ZNF665: variants seen among roughly 807,000 people sequenced by gnomAD.
The protein encoded by ZNF665 is zinc finger protein 665.
Under a neutral mutation model 7.9 loss-of-function variants are expected in ZNF665, and 6 were observed. The observed-to-expected ratio is 0.76, with a 90% CI of 0.42 to 1.50. The LOEUF (loss-of-function observed/expected upper bound fraction) is 1.50, where lower values mean the gene tolerates loss of function less well. Ranked by LOEUF, ZNF665 falls within the 40% of genes most tolerant of loss-of-function variation. The probability of loss-of-function intolerance (pLI) is 0.01; values close to 1 mark genes in which losing one functional copy is unlikely to be tolerated. For synonymous variants in ZNF665, 242 were observed against 274.5 expected, an observed-to-expected ratio of 0.88 and a Z score of 1.17; for missense variants, 819 against 806.7, an observed-to-expected ratio of 1.02 and a Z score of -0.18.
intron 3 of ZNF665, among the ~76,000 whole-genome samples, chr19:53,172,922 T>C (rs2090669624): frequency 6.6e-6 from 1 of 152,170 alleles, no homozygotes; most frequent in Admixed American, 6.6e-5. Context: ...GTAGTTTCGA[T>C]TTCTCACACA....
intron 1 of ZNF665, among the ~76,000 whole-genome samples, chr19:53,184,676 CGA>C (rs1290332411): frequency 6.6e-6 from 1 of 151,984 alleles, no homozygotes; most frequent in African/African-American, 2.4e-5. Context: ...TGTGTGGAGA[CGA>C]GAGAGCTTAG....
At chr19:53,177,270 GT>G (rs1490014838) in intron 2 of ZNF665, among the ~76,000 whole-genome samples, 1 of 152,022 alleles carries the variant, frequency 6.6e-6, no homozygotes, top group East Asian at 1.9e-4. Context: ...CTAAATTAGT[GT>G]GGATTTGTTT....
In ZNF665 at chr19:53,179,666, G is replaced by A. The variant is rs148743025; in HGVS notation, c.15+3218C>T. The A allele has an allele frequency of 1.7e-3, 259 of 152,184 alleles. 2 individuals carry two copies. The highest frequency in any genetic ancestry group is 5.7e-3 in the African/African-American group (238 of 41,512). The allele number at this position is 152,184 out of a possible 1,614,324, so 9.4% of individuals were successfully genotyped here. A position where few individuals can be genotyped will look rare whatever the true frequency, so the allele number is the denominator to read the frequency against. ...GTATTTATAATCAACCAGTAAAACT[G>A]AGTGTTTCTCTGACCTCTAAGAGTT... On this transcript the variant is annotated intron_variant, in intron 2 of 3. Coordinates refer to ENST00000396424, the MANE Select transcript of ZNF665 (RefSeq NM_024733.5).
rs944585070 is a variant in ZNF665 at position 53,182,558 on chromosome 19, A to G, written c.15+326T>C. On this transcript the variant is annotated intron_variant, in intron 2 of 3. Transcript: ENST00000396424. Reference sequence around the variant, plus strand: ...CAGCTTCTCTTATCACAGTTTACACAGAGCTGTCAATATATTCAAATATGT... The same window carrying G: ...CAGCTTCTCTTATCACAGTTTACACGGAGCTGTCAATATATTCAAATATGT... 30 of 692,824 alleles carry G rather than the reference A, an allele frequency of 4.3e-5. No individual in the cohort carries two copies. In the Admixed American group the frequency reaches 4.3e-4, roughly 10 times the overall value. The allele number at this position is 692,824 out of a possible 1,614,324, so 42.9% of individuals were successfully genotyped here.
At chr19:53,183,658 G>A (rs2090755543) in intron 1 of ZNF665, among the ~76,000 whole-genome samples, 1 of 152,046 alleles carries the variant, frequency 6.6e-6, no homozygotes, top group Non-Finnish European at 1.5e-5. Context: ...GAATGCTGAA[G>A]CGGGGGTCAG....
chr19:53,176,069 C>G (rs8112056), intron 2 of ZNF665, among the ~76,000 whole-genome samples: 1 of 151,872 alleles, frequency 6.6e-6, no homozygotes, highest in Admixed American at 6.6e-5. Flanking sequence ...GCTGAGGCAG[C>G]AGAATCACTT....
intron 3 of ZNF665, among the ~76,000 whole-genome samples, chr19:53,174,293 T>C (rs2146856837): frequency 6.6e-6 from 1 of 152,312 alleles, no homozygotes; most frequent in East Asian, 1.9e-4. Flanking sequence ...TTGTAGATCA[T>C]GACCAAGACT....
At chr19:53,182,430 C>A in intron 2 of ZNF665, 1 of 461,678 alleles carries the variant, frequency 2.2e-6, no homozygotes. Flanking sequence ...ACTTGTTCGG[C>A]ATCAAATGCA....
In ZNF665 at chr19:53,165,925, G is replaced by C; in HGVS notation, c.565C>G (p.Gln189Glu). 6.2e-7 allele frequency: 1 copy of C among 1,614,110 alleles called. No individual in the cohort carries two copies. Among genetic ancestry groups the C allele is most frequent in the Non-Finnish European group, 8.5e-7 (1 of 1,180,030 alleles). Residue 189 changes from glutamine (Q) to glutamate (E), a missense_variant, in exon 4 of 4, where the codon CAA (glutamine) becomes GAA (glutamate). Coordinates refer to ENST00000396424, the MANE Select transcript of ZNF665 (RefSeq NM_024733.5). The stretch of plus-strand genomic sequence containing the variant: ...TTATGACTTGTTAGCCGTGAGTTTT[G>C]ACTGAAGACCTTGCCACATTCATCA... ...KCDECGKVFS[Q>E]NSRLTSHKRI...
rs1411863341 is a variant in ZNF665 at position 53,171,521 on chromosome 19, TA to T, written c.142+3923del. ...GTGTGTGTGTATATATATATATATA[TA>T]TATTTTTTTTTTTTTTTTCTTTTTT... On this transcript the variant is annotated intron_variant, in intron 3 of 3. Coordinates refer to ENST00000396424, the MANE Select transcript of ZNF665 (RefSeq NM_024733.5). Among the ~76,000 whole-genome samples, 265 of 84,942 alleles carry T rather than the reference TA, an allele frequency of 3.1e-3. 2 individuals are homozygous for T. Among genetic ancestry groups the T allele is most frequent in the African/African-American group, 0.012 (247 of 21,416 alleles). The allele number at this position is 84,942 out of a possible 152,430, so 55.7% of individuals were successfully genotyped here.
rs1384917311 is a variant in ZNF665, at chr19:53,182,954, A to G, written c.-45-11T>C. On this transcript the variant is annotated splice_polypyrimidine_tract_variant and intron_variant, in intron 1 of 3. Coordinates refer to ENST00000396424, the MANE Select transcript of ZNF665 (RefSeq NM_024733.5). ...CTTCCAGGGTTCTACCTTGGGTAAC[A>G]TGAAAGAGACTTTAGAATTCAATCC... 6.3e-7 allele frequency: 1 copy of G among 1,599,052 alleles called. No homozygotes were observed. The highest frequency in any genetic ancestry group is 2.2e-5 in the East Asian group (1 of 44,828).
At position 53,166,096 on chromosome 19, in the gene ZNF665, C is replaced by T. The variant is rs752344393; in HGVS notation, c.394G>A (p.Ala132Thr). Residue 132 changes from alanine (A) to threonine (T), a missense_variant, in exon 4 of 4, where the codon GCA becomes ACA. Coordinates refer to ENST00000396424, the MANE Select transcript of ZNF665 (RefSeq NM_024733.5). The stretch of plus-strand genomic sequence containing the variant: ...TGATTTTCAATATGCCTGTTTCCTG[C>T]AGCCCTTCTATCACGTTGAGCTCTT... The part of the protein sequence containing the change: ...GRRAQRDRRA[A>T]GNRHIENQLG... 1.2e-6 allele frequency: 2 copies of T among 1,614,012 alleles called. No homozygotes were observed. The highest frequency in any genetic ancestry group is 1.7e-6 in the Non-Finnish European group (2 of 1,179,912).
chr19:53,164,638 T>C lies in ZNF665; in HGVS notation c.1852A>G (p.Arg618Gly), dbSNP rs1392462692. The C allele has an allele frequency of 1.2e-6, 2 of 1,612,708 alleles. No individual in the cohort carries two copies. Among genetic ancestry groups the C allele is most frequent in the Non-Finnish European group, 1.7e-6 (2 of 1,178,946 alleles). ...TQNSHLANHRRIHTGEKPYRC... is the reference protein window; with the variant it reads ...TQNSHLANHRGIHTGEKPYRC... ...TAAGGTTTTTCTCCAGTGTGAATTC[T>C]TCTATGATTTGCAAGATGTGAATTT... Residue 618 changes from arginine to glycine, a missense_variant, in exon 4 of 4, where the codon AGA becomes GGA. Transcript: ENST00000396424.
At position 53,167,777 on chromosome 19, in the gene ZNF665, C is replaced by T. The variant is rs529450135; in HGVS notation, c.143-1430G>A. On this transcript the variant is annotated intron_variant, in intron 3 of 3. Transcript: ENST00000396424. ...TTCTCTTGAGAAAAGAGGAGTCTGC[C>T]GGGCGCCGGTGGCTCCCGCCTGTAA... Among the ~76,000 whole-genome samples, 14 of 146,890 alleles carry T rather than the reference C, an allele frequency of 9.5e-5. No individual in the cohort carries two copies. The East Asian group carries it at 1.7e-3, about 18-fold the overall frequency.
At chr19:53,171,276 G>A (rs866685923) in intron 3 of ZNF665, among the ~76,000 whole-genome samples, 4 of 151,764 alleles carry the variant, frequency 2.6e-5, no homozygotes, top group Non-Finnish European at 4.4e-5. Context: ...TTGAGCCACC[G>A]CATGCGGCAA....
chr19:53,189,618 T>A (rs531811407), intron 1 of ZNF665, among the ~76,000 whole-genome samples: 47 of 147,898 alleles, frequency 3.2e-4, no homozygotes, highest in Non-Finnish European at 6.0e-4. Flanking sequence ...GAGCCAGGTG[T>A]ACAGGATGGA....
chr19:53,171,703 A>G (rs2090660491), intron 3 of ZNF665, among the ~76,000 whole-genome samples: 1 of 150,544 alleles, frequency 6.6e-6, no homozygotes, highest in South Asian at 2.1e-4. Flanking sequence ...TGATTTTTGT[A>G]CTGTATGTCA....
rs35735454 is a variant in ZNF665, at chr19:53,164,133, CTTTTTT to C, written c.*314_*319del. ...CTGGCCGCACTCCTTTGTAAGGTTA[CTTTTTT>C]TTTTTTTTTTTTTTTGGAGATGGAG... On this transcript the variant is annotated 3_prime_UTR_variant, in exon 4 of 4. Coordinates refer to ENST00000396424, the MANE Select transcript of ZNF665 (RefSeq NM_024733.5). 4.8e-5 allele frequency: 5 copies of C among 104,674 alleles called. No homozygotes were observed. Among genetic ancestry groups the C allele is most frequent in the African/African-American group, 1.3e-4 (4 of 30,402 alleles). The allele number at this position is 104,674 out of a possible 1,614,324, so 6.5% of individuals were successfully genotyped here.
In ZNF665 at chr19:53,164,834, T is replaced by G; in HGVS notation, c.1656A>C (p.Arg552Ser). Residue 552 changes from arginine to serine, a missense_variant, in exon 4 of 4, where the codon AGA becomes AGC. Physicochemically the swap from Arg to Ser is moderately radical, Grantham distance 110. Transcript: ENST00000396424. ...GATGAATTGCAAGGTACGAATTGTG[T>G]CTGAAGACCTTGCCGCAATCATTAC... ...YKCNDCGKVF[R>S]HNSYLAIHQR... The G allele has an allele frequency of 6.2e-7, 1 of 1,614,140 alleles. No individual in the cohort carries two copies. The highest frequency in any genetic ancestry group is 8.5e-7 in the Non-Finnish European group (1 of 1,180,012).
Sources: allele counts gnomAD v4.1 joint callset (sites outside exome capture counted in the v4.1 genomes callset), GRCh38; gene constraint gnomAD v4.1.1; transcripts MANE v1.5; gene names NCBI Gene and HGNC (gene_info 2026-07-23, HGNC 2026-07-21).